Variants in WDSUB1 observed in about 807,000 individuals in gnomAD.
WDSUB1 encodes WD repeat, sterile alpha motif and U-box domain containing 1, also known as WD repeat, SAM and U-box domain-containing protein 1.
Under a neutral mutation model 53.9 loss-of-function variants are expected in WDSUB1, and 49 were observed. That is an observed-to-expected ratio of 0.91 (90% CI 0.72 to 1.15). The LOEUF (loss-of-function observed/expected upper bound fraction) is 1.15. WDSUB1 is among the 50% of genes most tolerant of loss of function. WDSUB1 has a pLI of 0.00. For missense variants in WDSUB1, 514 were observed against 562.0 expected (o/e 0.91, Z 0.86); for synonymous variants, 194 against 200.6 (o/e 0.97, Z 0.28).
intron 10 of WDSUB1, among the ~76,000 whole-genome samples, chr2:159,244,414 T>C (rs1045486509): frequency 6.7e-6 from 1 of 148,296 alleles, no homozygotes; most frequent in African/African-American, 2.5e-5. Flanking sequence ...CAATACAGTA[T>C]AACAGCTATT....
intron 3 of WDSUB1, among the ~76,000 whole-genome samples, 195 bp downstream of exon 3, chr2:159,279,565 CA>C (rs1418530979): frequency 6.6e-6 from 1 of 151,934 alleles, no homozygotes; most frequent in Admixed American, 6.6e-5. Flanking sequence ...AAAAAGAATG[CA>C]ATTTTCTCAT....
intron 4 of WDSUB1, among the ~76,000 whole-genome samples, chr2:159,274,070 AG>A (rs921174635): frequency 1.8e-4 from 28 of 152,368 alleles, no homozygotes; most frequent in African/African-American, 6.0e-4. Context: ...GAGTGGGAAG[AG>A]GGGCATCAGC....
chr2:159,236,305 T>C, intron 10 of WDSUB1, 115 bp from the exon 11 acceptor site: 2 of 1,032,442 alleles, frequency 1.9e-6, no homozygotes, highest in South Asian at 3.6e-5. Flanking sequence ...TTAAGGGTTA[T>C]TCCTGTCTTG....
At chr2:159,248,553 A>T in intron 9 of WDSUB1, 41 bp from the exon 10 acceptor site, 1 of 1,467,120 alleles carries the variant, frequency 6.8e-7, no homozygotes, top group Non-Finnish European at 9.0e-7. Flanking sequence ...ACTACTAGTA[A>T]TCCTTACTAC....
chr2:159,269,165 ATTT>A (rs11324784), intron 5 of WDSUB1, among the ~76,000 whole-genome samples: 3,347 of 108,206 alleles, frequency 0.031, 101 homozygotes, highest in African/African-American at 0.098. Flanking sequence ...CTTTCCACAG[ATTT>A]TTTTTTTTTT....
rs74459049 is a variant in WDSUB1, at chr2:159,274,631, G to C, written c.676+915C>G. 4.6e-5 allele frequency among the ~76,000 whole-genome samples: 7 copies of C among 151,964 alleles called. No individual in the cohort carries two copies. The East Asian group carries it at 1.4e-3, about 29-fold the overall frequency. ...CTGCCTGGGAAGCTCTAGGGTGACAGAGTGTCTACTCCCTAAGTCCCCAGT... is the reference window on the plus strand; with the variant it reads ...CTGCCTGGGAAGCTCTAGGGTGACACAGTGTCTACTCCCTAAGTCCCCAGT... On this transcript the variant is annotated intron_variant, in intron 4 of 10. Transcript: ENST00000359774.
intron 10 of WDSUB1, among the ~76,000 whole-genome samples, chr2:159,246,980 AAAG>A (rs552028112): frequency 6.6e-6 from 1 of 152,150 alleles, no homozygotes; most frequent in South Asian, 2.1e-4. Context: ...TTGTAGAAAA[AAAG>A]CACACTGAAC....
intron 1 of WDSUB1, among the ~76,000 whole-genome samples, chr2:159,285,198 C>T (rs901207658): frequency 8.5e-5 from 13 of 152,194 alleles, no homozygotes; most frequent in Non-Finnish European, 1.5e-4. Flanking sequence ...TTTGTTCGAG[C>T]CCAACTGAGT....
chr2:159,245,243 G>A (rs1479968482), intron 10 of WDSUB1, among the ~76,000 whole-genome samples: 1 of 152,126 alleles, frequency 6.6e-6, no homozygotes, highest in Non-Finnish European at 1.5e-5. Context: ...TTACTATAAA[G>A]CAGCCGGACA....
intron 8 of WDSUB1, among the ~76,000 whole-genome samples, chr2:159,256,883 G>T (rs1451035928): frequency 6.6e-6 from 1 of 152,138 alleles, no homozygotes; most frequent in Non-Finnish European, 1.5e-5. Context: ...AATTAGTATG[G>T]AGTATAAACA....
intron 9 of WDSUB1, among the ~76,000 whole-genome samples, chr2:159,251,862 G>C (rs2151077502): frequency 6.6e-6 from 1 of 152,338 alleles, no homozygotes; most frequent in Non-Finnish European, 1.5e-5. Flanking sequence ...TCCGGAGTGA[G>C]AGCTGGGAAA....
Position 159,246,078 on chromosome 2 carries a change from G to A in WDSUB1, c.1273+2294C>T, listed in dbSNP as rs564765886. ...AAATTACAGAAATGATATATGACTGGATAAATAAGCTCAGAAAAAGATGCT... is the reference window on the plus strand; with the variant it reads ...AAATTACAGAAATGATATATGACTGAATAAATAAGCTCAGAAAAAGATGCT... On this transcript the variant is annotated intron_variant, in intron 10 of 10. Transcript: ENST00000359774. Among the ~76,000 whole-genome samples, 12 of 152,234 alleles carry A rather than the reference G, an allele frequency of 7.9e-5. 1 individual carries two copies. The highest frequency in any genetic ancestry group is 7.8e-4 in the Admixed American group (12 of 15,288).
At chr2:159,255,139 C>A (rs1361664009) in intron 9 of WDSUB1, among the ~76,000 whole-genome samples, 2 of 151,724 alleles carry the variant, frequency 1.3e-5, no homozygotes, top group African/African-American at 2.4e-5. Flanking sequence ...TCTCTTCCCC[C>A]ACCCTGCCAC....
At chr2:159,244,511 C>T (rs555725702) in intron 10 of WDSUB1, among the ~76,000 whole-genome samples, 9 of 152,230 alleles carry the variant, frequency 5.9e-5, no homozygotes, top group African/African-American at 2.2e-4. Flanking sequence ...AGAGCATCCA[C>T]AGACTTTTGT....
intron 10 of WDSUB1, among the ~76,000 whole-genome samples, chr2:159,239,334 T>G (rs924835619): frequency 1.4e-5 from 2 of 141,920 alleles, no homozygotes; most frequent in African/African-American, 5.9e-5. Context: ...GTTCTAGTTT[T>G]TGTTACTGTA....
chr2:159,248,634 ACT>A, intron 9 of WDSUB1, 122 bp from the exon 10 acceptor site: 5 of 1,170,664 alleles, frequency 4.3e-6, no homozygotes, highest in Non-Finnish European at 5.6e-6. Flanking sequence ...ACAGGGGCTC[ACT>A]CTTTTGCCCA....
chr2:159,251,556 G>A (rs953805756), intron 9 of WDSUB1, among the ~76,000 whole-genome samples: 10 of 152,110 alleles, frequency 6.6e-5, no homozygotes, highest in African/African-American at 2.4e-4. Flanking sequence ...ATCTCCTTTT[G>A]TGATTGGGAG....
chr2:159,253,367 T>C (rs771792602), intron 9 of WDSUB1, among the ~76,000 whole-genome samples: 1 of 150,372 alleles, frequency 6.7e-6, no homozygotes, highest in Non-Finnish European at 1.5e-5. Flanking sequence ...TACCCTAGGC[T>C]TCCATTAACA....
intron 10 of WDSUB1, among the ~76,000 whole-genome samples, chr2:159,245,969 T>C (rs1161471849): frequency 3.9e-5 from 6 of 152,128 alleles, no homozygotes; most frequent in Admixed American, 3.3e-4. Context: ...GTGCAATACA[T>C]TACCTTACAA....
Sources: gnomAD v4.1 joint callset for allele counts (sites outside exome capture counted in the v4.1 genomes callset) on GRCh38, gnomAD v4.1.1 for gene constraint, MANE v1.5 for transcripts, NCBI Gene and HGNC (gene_info 2026-07-23, HGNC 2026-07-21) for gene names.